SALL2: variants seen among roughly 807,000 people sequenced by gnomAD.
The protein encoded by SALL2 is sal-like protein 2.
Under a neutral mutation model 58.5 loss-of-function variants are expected in SALL2, and 32 were observed. That is an observed-to-expected ratio of 0.55 (90% confidence interval 0.41 to 0.74). The LOEUF (loss-of-function observed/expected upper bound fraction) is 0.74. SALL2 is among the 30% of genes least tolerant of loss of function. The pLI is 0.00. For missense variants in SALL2, 1,201 were observed against 1,268.9 expected (o/e 0.95, Z 0.81); for synonymous variants, 516 against 513.6 (o/e 1.00, Z -0.06).
chr14:21,525,781 T>C lies in SALL2; in HGVS notation c.68-127A>G, dbSNP rs1037844448. On this transcript the variant is annotated intron_variant, in intron 1 of 1. Transcript: ENST00000537235. The surrounding 1 kb of genome is among the most constrained non-coding windows in gnomAD (Gnocchi z 4.4). ...GGAGATGAGCTCACCATCAGGGCCA[T>C]GCAGAAGTCTAGAGCTCAGGCCTGA... The C allele has an allele frequency of 1.0e-6, 1 of 999,062 alleles. No individual in the cohort carries two copies. Among genetic ancestry groups the C allele is most frequent in the Non-Finnish European group, 1.4e-6 (1 of 728,394 alleles). 61.9% of individuals were successfully genotyped at this position (999,062 alleles called of 1,614,324 possible). A position where few individuals can be genotyped will look rare whatever the true frequency, so the allele number is the denominator to read the frequency against.
Position 21,523,132 on chromosome 14 carries a change from C to A in SALL2, c.2590G>T (p.Gly864Trp). 1.9e-6 allele frequency: 3 copies of A among 1,614,168 alleles called. No homozygotes were observed. In the South Asian group the frequency reaches 3.3e-5, roughly 18 times the overall value. Residue 864 changes from glycine (G) to tryptophan (W), a missense_variant, in exon 2 of 2, where the codon GGG (glycine) becomes TGG (tryptophan). Gly to Trp is a radical substitution (Grantham distance 184, BLOSUM62 -2). Transcript: ENST00000537235. This position sits in a 1 kb window ranked among gnomAD's most constrained non-coding sequence, Gnocchi z 4.4. ...SSGVLGGKEE[G>W]GKPERSSSPA... Reference sequence around the variant, plus strand: ...CTTGAGCTTCTCTCCGGTTTGCCCCCCTCTTCCTTGCCTCCTAAAACACCA... The same window carrying A: ...CTTGAGCTTCTCTCCGGTTTGCCCCACTCTTCCTTGCCTCCTAAAACACCA...
In SALL2 at chr14:21,525,589, T is replaced by G. The variant is rs750803549; in HGVS notation, c.133A>C (p.Thr45Pro). The change falls in exon 2 of 2, where the codon ACT becomes CCT. Residue 45 changes from threonine to proline, a missense_variant. Physicochemically the swap from Thr to Pro is conservative, Grantham distance 38. Coordinates refer to ENST00000537235, the MANE Select transcript of SALL2 (RefSeq NM_001364564.1). The surrounding 1 kb of genome is among the most constrained non-coding windows in gnomAD (Gnocchi z 4.4). Reference sequence around the variant, plus strand: ...GCGTTCTGGTGGGCGAGGAATTCAGTTGGGTCAGTGAATTGTGCGCAGCAC... The same window carrying G: ...GCGTTCTGGTGGGCGAGGAATTCAGGTGGGTCAGTGAATTGTGCGCAGCAC... ...AKCCAQFTDP[T>P]EFLAHQNACS... 6.2e-7 allele frequency: 1 copy of G among 1,612,104 alleles called. No homozygotes were observed.
At position 21,526,282 on chromosome 14, in the gene SALL2, G is replaced by A; in HGVS notation, c.-155C>T. The A allele has an allele frequency of 7.0e-7, 1 of 1,437,640 alleles. No individual in the cohort carries two copies. Among genetic ancestry groups the A allele is most frequent in the Non-Finnish European group, 9.1e-7 (1 of 1,099,946 alleles). 89.1% of individuals were successfully genotyped at this position (1,437,640 alleles called of 1,614,324 possible). A position where few individuals can be genotyped will look rare whatever the true frequency, so the allele number is the denominator to read the frequency against. On this transcript the variant is annotated 5_prime_UTR_variant, in exon 1 of 2. Transcript: ENST00000537235. Reference sequence around the variant, plus strand: ...AGCGGCGGGGGCAGGGAGCAGCGGCGGAGGGGGAGGGGAGCGAGGAGGCGG... The same window carrying A: ...AGCGGCGGGGGCAGGGAGCAGCGGCAGAGGGGGAGGGGAGCGAGGAGGCGG...
chr14:21,529,250 T>C (rs573925886), upstream of SALL2, among the ~76,000 whole-genome samples: 2 of 152,298 alleles, frequency 1.3e-5, no homozygotes, highest in East Asian at 3.9e-4. Context: ...TGAGGTAAGC[T>C]ATCTCCGGTC....
At chr14:21,526,967 C>T (rs1208951599), upstream of SALL2, among the ~76,000 whole-genome samples, 1 of 152,128 alleles carries the variant, frequency 6.6e-6, no homozygotes, top group Non-Finnish European at 1.5e-5. Flanking sequence ...ACTCCCCGCC[C>T]CTCCTCCCCC....
At chr14:21,532,075 A>G (rs1177948256) in intron 1 of SALL2, among the ~76,000 whole-genome samples, 1 of 152,166 alleles carries the variant, frequency 6.6e-6, no homozygotes, top group Non-Finnish European at 1.5e-5. Context: ...AAAGGAAGGA[A>G]ATTCTGATAC....
intron 1 of SALL2, among the ~76,000 whole-genome samples, chr14:21,534,975 T>G (rs1360313732): frequency 6.6e-6 from 1 of 152,084 alleles, no homozygotes; most frequent in Non-Finnish European, 1.5e-5. Context: ...TTTTAACAGG[T>G]GGAAAGGCAA....
At position 21,523,697 on chromosome 14, in the gene SALL2, A is replaced by G; in HGVS notation, c.2025T>C (p.His675=). ...CTGGACTGGCCTTGTGGCCCACGAA[A>G]TGTGCACGCAGATTACCCCTGGTGG... ...AFSTRGNLRA[H]FVGHKASPAA... is the part of the protein sequence containing the mutation. Residue 675 remains histidine, a synonymous_variant, in exon 2 of 2, where the codon CAT becomes CAC. Coordinates refer to ENST00000537235, the MANE Select transcript of SALL2 (RefSeq NM_001364564.1). This position sits in a 1 kb window ranked among gnomAD's most constrained non-coding sequence, Gnocchi z 4.4. The G allele has an allele frequency of 6.2e-7, 1 of 1,614,174 alleles. No individual in the cohort carries two copies. The highest frequency in any genetic ancestry group is 1.7e-5 in the Admixed American group (1 of 60,024).
At chr14:21,526,813 G>C (rs1267059224), upstream of SALL2, among the ~76,000 whole-genome samples, 1 of 151,976 alleles carries the variant, frequency 6.6e-6, no homozygotes, top group Non-Finnish European at 1.5e-5. Flanking sequence ...CAAAATATTC[G>C]AAGTTTTGTC....
rs375922511 is a variant in SALL2 at position 21,525,168 on chromosome 14, C to A, written c.554G>T (p.Arg185Leu). The A allele has an allele frequency of 3.6e-5, 58 of 1,613,852 alleles. No individual in the cohort carries two copies. The highest frequency in any genetic ancestry group is 4.9e-5 in the Non-Finnish European group (58 of 1,179,956). ...ATGGATCTGCCGCTGCTGCAGCACC[C>A]GTAGCTCTTCCAAGATCAGGGGGAT... The part of the protein sequence containing the change: ...LNIPLILEEL[R>L]VLQQRQIHQM... Residue 185 changes from arginine (R) to leucine (L), a missense_variant, in exon 2 of 2, where the codon CGG becomes CTG. Coordinates refer to ENST00000537235, the MANE Select transcript of SALL2 (RefSeq NM_001364564.1). The surrounding 1 kb of genome is among the most constrained non-coding windows in gnomAD (Gnocchi z 4.4).
upstream of SALL2, among the ~76,000 whole-genome samples, chr14:21,529,023 C>T (rs139251328): frequency 3.7e-4 from 57 of 152,256 alleles, no homozygotes; most frequent in East Asian, 0.011. Flanking sequence ...CTTTCTGATG[C>T]GTAATTTGAT....
rs1323507300 is a variant in SALL2 at position 21,525,618 on chromosome 14, GCA to G, written c.102_103del (p.Ala35GlnfsTer8). On this transcript the variant is annotated frameshift_variant, in exon 2 of 2. Coordinates refer to ENST00000537235, the MANE Select transcript of SALL2 (RefSeq NM_001364564.1). LOFTEE classifies it high-confidence loss of function. This position sits in a 1 kb window ranked among gnomAD's most constrained non-coding sequence, Gnocchi z 4.4. ...GTCAGTGAATTGTGCGCAGCACTTG[GCA>G]CAGACTTGGGGGTGATCCTCCTCGC... The G allele has an allele frequency of 6.2e-7, 1 of 1,600,370 alleles. No homozygotes were observed. The highest frequency in any genetic ancestry group is 1.7e-5 in the Admixed American group (1 of 59,226).
intron 1 of SALL2, among the ~76,000 whole-genome samples, chr14:21,536,073 T>C (rs1189752782): frequency 1.3e-5 from 2 of 152,216 alleles, no homozygotes; most frequent in Non-Finnish European, 2.9e-5. Flanking sequence ...TGCTCTACTG[T>C]CTGCCTGTCA....
At chr14:21,531,215 T>C (rs1041295470), upstream of SALL2, among the ~76,000 whole-genome samples, 1 of 152,256 alleles carries the variant, frequency 6.6e-6, no homozygotes. Flanking sequence ...GTTCTTTTAA[T>C]GAAAATTTCT....
chr14:21,531,129 AT>A (rs1594469208), upstream of SALL2, among the ~76,000 whole-genome samples: 1 of 152,238 alleles, frequency 6.6e-6, no homozygotes, highest in African/African-American at 2.4e-5. Context: ...AGGCACAATG[AT>A]TGGTACACCT....
chr14:21,521,290 A>G lies in SALL2; in HGVS notation c.*1414T>C, dbSNP rs574186063. The G allele has an allele frequency of 6.6e-6, 1 of 152,370 alleles. No individual in the cohort carries two copies. Among genetic ancestry groups the G allele is most frequent in the South Asian group, 2.1e-4 (1 of 4,818 alleles). The allele number at this position is 152,370 out of a possible 1,614,324, so 9.4% of individuals were successfully genotyped here. On this transcript the variant is annotated 3_prime_UTR_variant, in exon 2 of 2. Coordinates refer to ENST00000537235, the MANE Select transcript of SALL2 (RefSeq NM_001364564.1). ...AGAGTAAATACTACAACTCATTACA[A>G]GACGGAGAGGCAGGGAGGACGCCAC...
upstream of SALL2, among the ~76,000 whole-genome samples, chr14:21,531,252 C>T (rs1892453638): frequency 6.6e-6 from 1 of 152,230 alleles, no homozygotes; most frequent in African/African-American, 2.4e-5. Flanking sequence ...CAACACTTAA[C>T]ATGGAATTCA....
At position 21,525,697 on chromosome 14, in the gene SALL2, G is replaced by A. The variant is rs771977970; in HGVS notation, c.68-43C>T. ...AGAGAGAGCGTGGGTGGCGCAGTTG[G>A]GTTGGGTATACCGAGGCTCTAATTA... On this transcript the variant is annotated intron_variant, in intron 1 of 1. Transcript: ENST00000537235. The surrounding 1 kb of genome is among the most constrained non-coding windows in gnomAD (Gnocchi z 4.4). 5 of 1,529,990 alleles carry A rather than the reference G, an allele frequency of 3.3e-6. No individual in the cohort carries two copies. The South Asian group carries it at 5.2e-5, about 16-fold the overall frequency. 94.8% of individuals were successfully genotyped at this position (1,529,990 alleles called of 1,614,324 possible).
At chr14:21,537,000 T>C (rs1892615466) in exon 1 of SALL2, 1 of 1,306,584 alleles carries the variant, frequency 7.7e-7, no homozygotes, top group East Asian at 2.3e-5. Flanking sequence ...GTCTCCCCCT[T>C]GGGTCCGAAG....
Sources: gnomAD v4.1 joint callset for allele counts (sites outside exome capture counted in the v4.1 genomes callset) on GRCh38, gnomAD v4.1.1 for gene constraint, Gnocchi (gnomAD v3.1) non-coding constraint, MANE v1.5 for transcripts, NCBI Gene and HGNC (gene_info 2026-07-23, HGNC 2026-07-21) for gene names.